Variants in NALF1 observed in about 807,000 individuals in gnomAD.
NALF1 encodes family with sequence similarity 155 member A.
A neutral mutation model predicts 48.4 loss-of-function variants in NALF1; 3 were observed. That is an observed-to-expected ratio of 0.06 (90% CI 0.03 to 0.16). The LOEUF is 0.16. NALF1 is among the 10% of genes least tolerant of loss of function. NALF1 has a pLI of 1.00. For missense variants in NALF1, 526 were observed against 571.5 expected (o/e 0.92, Z 0.81); for synonymous variants, 262 against 245.7 (o/e 1.07, Z -0.62).
At chr13:107,497,324 T>A (rs1006647379) in intron 1 of NALF1, among the ~76,000 whole-genome samples, 2 of 152,194 alleles carry the variant, frequency 1.3e-5, no homozygotes, top group African/African-American at 4.8e-5. Context: ...AAACACAATT[T>A]ATGTAACAGA....
intron 1 of NALF1, among the ~76,000 whole-genome samples, chr13:107,539,425 T>C (rs2139117661): frequency 6.7e-6 from 1 of 150,010 alleles, no homozygotes; most frequent in Non-Finnish European, 1.5e-5. Context: ...GTCAATCACC[T>C]CTTATTAGCC....
intron 1 of NALF1, among the ~76,000 whole-genome samples, chr13:107,430,730 T>A (rs1463200491): frequency 1.3e-5 from 2 of 152,240 alleles, no homozygotes; most frequent in Non-Finnish European, 2.9e-5. Context: ...TCCAAGTCTT[T>A]GCTATTGTGA....
rs118098647 is a variant in NALF1 at position 107,642,819 on chromosome 13, T to C, written c.915+222863A>G. Among the ~76,000 whole-genome samples, 8 of 152,328 alleles carry C rather than the reference T, an allele frequency of 5.3e-5. No homozygotes were observed. The East Asian group carries it at 1.2e-3, about 22-fold the overall frequency. On this transcript the variant is annotated intron_variant, in intron 1 of 2. Coordinates refer to ENST00000375915, the MANE Select transcript of NALF1 (RefSeq NM_001080396.3). ...ACAAATGCCTTAATCATTCTCCTTA[T>C]GTTGTATGTGCTCATGCCAGAACCC...
chr13:107,426,673 G>A (rs527251481), intron 1 of NALF1, among the ~76,000 whole-genome samples: 1 of 152,074 alleles, frequency 6.6e-6, no homozygotes, highest in Non-Finnish European at 1.5e-5. Context: ...TATATAAATA[G>A]GTCCTAGTCT....
intron 1 of NALF1, among the ~76,000 whole-genome samples, chr13:107,302,850 A>T (rs9520369): frequency 0.17 from 26,426 of 151,612 alleles, 2,970 homozygotes; most frequent in Non-Finnish European, 0.25. Context: ...TCACTCTCTC[A>T]CACACACACA....
At chr13:107,677,257 G>A (rs899861113) in intron 1 of NALF1, among the ~76,000 whole-genome samples, 2 of 152,190 alleles carry the variant, frequency 1.3e-5, no homozygotes, top group African/African-American at 2.4e-5. Context: ...TGTTGGCCAG[G>A]CTGGTCCCGA....
At chr13:107,284,168 CT>C (rs1317544266) in intron 1 of NALF1, among the ~76,000 whole-genome samples, 1 of 152,000 alleles carries the variant, frequency 6.6e-6, no homozygotes, top group Non-Finnish European at 1.5e-5. Flanking sequence ...TTTGAAAGCA[CT>C]TAGATATACA....
chr13:107,292,345 A>G (rs1881637872), intron 1 of NALF1, among the ~76,000 whole-genome samples: 1 of 152,264 alleles, frequency 6.6e-6, no homozygotes, highest in Non-Finnish European at 1.5e-5. Flanking sequence ...GTAAAAGCCT[A>G]GGATATTACT....
At chr13:107,826,790 G>C (rs775826815) in intron 1 of NALF1, among the ~76,000 whole-genome samples, 5 of 152,208 alleles carry the variant, frequency 3.3e-5, no homozygotes, top group African/African-American at 7.2e-5. Flanking sequence ...TTGTTTACAT[G>C]ACCTTGGGGA....
intron 1 of NALF1, among the ~76,000 whole-genome samples, chr13:107,772,891 T>C (rs1451364652): frequency 6.6e-6 from 1 of 152,190 alleles, no homozygotes; most frequent in East Asian, 1.9e-4. Flanking sequence ...CTACCATATG[T>C]GATTATTTCC....
At chr13:107,394,185 G>C (rs753002054) in intron 1 of NALF1, among the ~76,000 whole-genome samples, 1 of 152,074 alleles carries the variant, frequency 6.6e-6, no homozygotes, top group Non-Finnish European at 1.5e-5. Flanking sequence ...GATGCTCAAG[G>C]GAAGGTATTA....
intron 1 of NALF1, among the ~76,000 whole-genome samples, chr13:107,536,403 C>T (rs1876812454): frequency 6.6e-6 from 1 of 152,078 alleles, no homozygotes; most frequent in Non-Finnish European, 1.5e-5. Flanking sequence ...ACAACCCCAT[C>T]AAAAAGTGGG....
At chr13:107,678,465 A>G (rs1175746708) in intron 1 of NALF1, among the ~76,000 whole-genome samples, 2 of 152,188 alleles carry the variant, frequency 1.3e-5, no homozygotes, top group Non-Finnish European at 2.9e-5. Flanking sequence ...TGTCCAAAGA[A>G]ACAGAGCTGT....
rs1883077406 is a variant in NALF1 at position 107,362,338 on chromosome 13, C to T, written c.916-151583G>A. Among the ~76,000 whole-genome samples the T allele has an allele frequency of 1.3e-5, 2 of 152,166 alleles. No homozygotes were observed. The highest frequency in any genetic ancestry group is 2.4e-5 in the African/African-American group (1 of 41,448). On this transcript the variant is annotated intron_variant, in intron 1 of 2. Coordinates refer to ENST00000375915, the MANE Select transcript of NALF1 (RefSeq NM_001080396.3). This position sits in a 1 kb window ranked among gnomAD's most constrained non-coding sequence, Gnocchi z 4.6. ...AAAACAAGAGAAATGCATTGTCCAA[C>T]AGTGCTGGAGGAGAACAGTCTGAAA...
chr13:107,443,589 GA>G (rs1204304148), intron 1 of NALF1, among the ~76,000 whole-genome samples: 1 of 152,102 alleles, frequency 6.6e-6, no homozygotes, highest in Non-Finnish European at 1.5e-5. Flanking sequence ...CAAATATACA[GA>G]AAACTTTCTC....
intron 1 of NALF1, among the ~76,000 whole-genome samples, chr13:107,782,101 C>A (rs1258948237): frequency 1.3e-5 from 2 of 152,174 alleles, no homozygotes; most frequent in African/African-American, 4.8e-5. Context: ...CCTCTGATGC[C>A]GAGCCGAAGC....
intron 1 of NALF1, among the ~76,000 whole-genome samples, chr13:107,807,896 T>C (rs191280968): frequency 4.1e-4 from 62 of 152,258 alleles, no homozygotes; most frequent in African/African-American, 1.4e-3. Context: ...GAAATCTTTA[T>C]GATATTTATT....
At chr13:107,575,245 A>C (rs919648205) in intron 1 of NALF1, among the ~76,000 whole-genome samples, 1 of 152,264 alleles carries the variant, frequency 6.6e-6, no homozygotes, top group East Asian at 1.9e-4. Context: ...AGTTCAGGGG[A>C]AAAAAACAGA....
intron 1 of NALF1, among the ~76,000 whole-genome samples, chr13:107,448,540 T>C (rs2139032975): frequency 6.6e-6 from 1 of 152,282 alleles, no homozygotes; most frequent in South Asian, 2.1e-4. Context: ...AAGGGTAATG[T>C]CCAGGAGGGG....
Sources: allele counts gnomAD v4.1 joint callset (sites outside exome capture counted in the v4.1 genomes callset), GRCh38; gene constraint gnomAD v4.1.1; non-coding constraint Gnocchi (gnomAD v3.1); transcripts MANE v1.5; gene names NCBI Gene and HGNC (gene_info 2026-07-23, HGNC 2026-07-21).